Variants in ABCA1 observed in about 807,000 individuals in gnomAD.
ABCA1 encodes the protein phospholipid-transporting ATPase ABCA1.
Under a neutral mutation model 262.5 loss-of-function variants are expected in ABCA1, and 133 were observed. The ratio of observed to expected loss-of-function variants is 0.51; its 90% CI spans 0.44 to 0.59. The LOEUF (loss-of-function observed/expected upper bound fraction) is 0.59, where lower values mean the gene tolerates loss of function less well. Among genes scored for constraint, ABCA1 ranks in the 20% least tolerant of loss-of-function variants. The pLI is 0.00. For synonymous variants in ABCA1, 1,022 were observed against 1,043.5 expected (o/e 0.98, Z 0.40); for missense variants, 2,452 against 2,777.5 (o/e 0.88, Z 2.63).
chr9:104,815,555 T>C (rs1356375850), intron 25 of ABCA1, among the ~76,000 whole-genome samples: 3 of 152,280 alleles, frequency 2.0e-5, no homozygotes, highest in African/African-American at 7.2e-5. Flanking sequence ...TGAGTGTTCA[T>C]TTTTTCATCT....
chr9:104,867,743 A>ATAT (rs1275333279), intron 5 of ABCA1, among the ~76,000 whole-genome samples: 1 of 152,218 alleles, frequency 6.6e-6, no homozygotes, highest in African/African-American at 2.4e-5. Flanking sequence ...TCCACCAGTC[A>ATAT]CTGCAAGGAT....
intron 5 of ABCA1, among the ~76,000 whole-genome samples, chr9:104,875,656 A>T (rs76244174): frequency 0.063 from 9,367 of 147,642 alleles, 368 homozygotes; most frequent in African/African-American, 0.11. Context: ...GAGCTCCACA[A>T]CCTTAAAAAA....
intron 3 of ABCA1, among the ~76,000 whole-genome samples, chr9:104,887,669 GA>G (rs1347420398): frequency 1.4e-5 from 2 of 144,078 alleles, no homozygotes; most frequent in African/African-American, 5.1e-5. Context: ...TTCCAAAAGA[GA>G]AAACAGAATT....
intron 23 of ABCA1, 83 bp downstream of exon 23, chr9:104,818,580 G>T: frequency 7.6e-7 from 1 of 1,307,818 alleles, no homozygotes; most frequent in South Asian, 1.2e-5. Flanking sequence ...GGCAAAAGGG[G>T]TGGAGATGGA....
At chr9:104,900,263 G>T (rs1416414768) in intron 2 of ABCA1, among the ~76,000 whole-genome samples, 1 of 152,154 alleles carries the variant, frequency 6.6e-6, no homozygotes, top group Non-Finnish European at 1.5e-5. Flanking sequence ...GTGCAAGGGA[G>T]CCTCCTCAAG....
intron 32 of ABCA1, among the ~76,000 whole-genome samples, chr9:104,804,104 A>G (rs1435046484): frequency 6.6e-6 from 1 of 152,188 alleles, no homozygotes; most frequent in Non-Finnish European, 1.5e-5. Flanking sequence ...TGCTGAGCCA[A>G]GCATTCAACA....
At position 104,818,481 on chromosome 9, in the gene ABCA1, T is replaced by C. The variant is rs527333922; in HGVS notation, c.3462+182A>G. 5.9e-5 allele frequency among the ~76,000 whole-genome samples: 9 copies of C among 152,228 alleles called. No homozygotes were observed. In the East Asian group the frequency reaches 1.5e-3, roughly 26 times the overall value. On this transcript the variant is annotated intron_variant, in intron 23 of 49. Coordinates refer to ENST00000374736, the MANE Select transcript of ABCA1 (RefSeq NM_005502.4). ...ACGGGATTCAACAGAACTAGCACAA[T>C]GGGAGCAGAGGGCCCCTTAGCTTTC...
At chr9:104,894,239 T>C (rs1840011441) in intron 2 of ABCA1, among the ~76,000 whole-genome samples, 1 of 152,162 alleles carries the variant, frequency 6.6e-6, no homozygotes, top group Admixed American at 6.5e-5. Context: ...AATCAAGGCT[T>C]ATGTTCCTGG....
chr9:104,782,048 A>T lies in ABCA1; in HGVS notation c.*2267T>A, dbSNP rs1828576875. On this transcript the variant is annotated 3_prime_UTR_variant, in exon 50 of 50. Coordinates refer to ENST00000374736, the MANE Select transcript of ABCA1 (RefSeq NM_005502.4). ...TTCACAGTGCCTTTTGATTTTTTAA[A>T]ATATGGCCTTGAAATCAGAGGAACC... The T allele has an allele frequency of 6.6e-6, 1 of 152,132 alleles. No homozygotes were observed. Among genetic ancestry groups the T allele is most frequent in the Non-Finnish European group, 1.5e-5 (1 of 67,970 alleles). 9.4% of individuals were successfully genotyped at this position (152,132 alleles called of 1,614,324 possible).
Position 104,784,188 on chromosome 9 carries a change from T to C in ABCA1, c.*127A>G. On this transcript the variant is annotated 3_prime_UTR_variant, in exon 50 of 50. Coordinates refer to ENST00000374736, the MANE Select transcript of ABCA1 (RefSeq NM_005502.4). ...TTGAATTGCATTGCATTGAATAGTA[T>C]CAGTACAGTATCCAGTTTACTTCTT... 1 of 1,200,842 alleles carries C rather than the reference T, an allele frequency of 8.3e-7. No individual in the cohort carries two copies. Among genetic ancestry groups the C allele is most frequent in the Non-Finnish European group, 1.2e-6 (1 of 824,718 alleles). 74.4% of individuals were successfully genotyped at this position (1,200,842 alleles called of 1,614,324 possible).
chr9:104,901,428 T>C, intron 2 of ABCA1, among the ~76,000 whole-genome samples: 1 of 152,130 alleles, frequency 6.6e-6, no homozygotes, highest in South Asian at 2.1e-4. Context: ...GCCAACATGA[T>C]ATGATTCTTC....
At chr9:104,834,507 C>G (rs980030392) in intron 11 of ABCA1, among the ~76,000 whole-genome samples, 1 of 149,298 alleles carries the variant, frequency 6.7e-6, no homozygotes, top group African/African-American at 2.4e-5. Flanking sequence ...CAAACAAAAG[C>G]AGAGTGAAGA....
rs945665412 is a variant in ABCA1, at chr9:104,841,018, T to C, written c.814-499A>G. Among the ~76,000 whole-genome samples the C allele has an allele frequency of 5.3e-5, 8 of 152,190 alleles. No individual in the cohort carries two copies. The East Asian group carries it at 1.5e-3, about 29-fold the overall frequency. On this transcript the variant is annotated intron_variant, in intron 8 of 49. Coordinates refer to ENST00000374736, the MANE Select transcript of ABCA1 (RefSeq NM_005502.4). ...TCGATAACTGACTCATTTCTAAAAC[T>C]CCCCGAACTCTAGTGTAGAAATTGA...
chr9:104,915,749 T>C (rs909297347), intron 1 of ABCA1, among the ~76,000 whole-genome samples: 2 of 152,102 alleles, frequency 1.3e-5, no homozygotes, highest in African/African-American at 2.4e-5. Flanking sequence ...TGGGTTTCAT[T>C]TTTGGTAGCC....
At position 104,825,785 on chromosome 9, in the gene ABCA1, C is replaced by A. The variant is rs779578964; in HGVS notation, c.2440G>T (p.Val814Leu). ...VQWDNLFESP[V>L]EEDGFNLTTS... ...GTGAGATTGAAGCCATCTTCCTCCACAGGACTCTCAAACAGGTTGTCCCAC... is the reference window on the plus strand; with the variant it reads ...GTGAGATTGAAGCCATCTTCCTCCAAAGGACTCTCAAACAGGTTGTCCCAC... The change falls in exon 17 of 50, where the codon GTG becomes TTG. Residue 814 changes from valine (V) to leucine (L), a missense_variant. This residue lies in a region of ABCA1 where 1,032 missense variants were observed against 1,089.7 expected (regional missense o/e 0.95). Coordinates refer to ENST00000374736, the MANE Select transcript of ABCA1 (RefSeq NM_005502.4). The A allele has an allele frequency of 1.2e-6, 2 of 1,614,226 alleles. No homozygotes were observed. Among genetic ancestry groups the A allele is most frequent in the African/African-American group, 1.3e-5 (1 of 75,040 alleles).
intron 24 of ABCA1, among the ~76,000 whole-genome samples, chr9:104,816,805 T>C (rs942297037): frequency 6.6e-5 from 10 of 152,114 alleles, no homozygotes; most frequent in African/African-American, 2.2e-4. Context: ...TTTACCTAAA[T>C]AAAGGGTTAA....
chr9:104,861,749 A>T lies in ABCA1; in HGVS notation c.473T>A (p.Leu158Gln). The T allele has an allele frequency of 6.2e-7, 1 of 1,613,746 alleles. No individual in the cohort carries two copies. Among genetic ancestry groups the T allele is most frequent in the Non-Finnish European group, 8.5e-7 (1 of 1,179,730 alleles). Residue 158 changes from leucine (L) to glutamine (Q), a missense_variant, in exon 6 of 50, where the codon CTG becomes CAG. By Grantham distance (113) the Leu-to-Gln change is moderately radical. Transcript: ENST00000374736. ...CTTTGGGAGAGAGAGGTTGTGATAC[A>T]GGAACCCAGAGAAGGTTTCATTGTC... is the stretch of plus-strand genomic sequence containing the variant. Reference protein sequence around the residue: ...LVDNETFSGFLYHNLSLPKST... With the variant: ...LVDNETFSGFQYHNLSLPKST...
rs1281270114 is a variant in ABCA1, at chr9:104,792,839, T to C, written c.5704A>G (p.Ile1902Val). 1 of 1,614,066 alleles carries C rather than the reference T, an allele frequency of 6.2e-7. No individual in the cohort carries two copies. Among genetic ancestry groups the C allele is most frequent in the Non-Finnish European group, 8.5e-7 (1 of 1,180,022 alleles). Reference protein sequence around the residue: ...DEDVRRERQRILDGGGQNDIL... With the variant: ...DEDVRRERQRVLDGGGQNDIL... ...TCATTCTGGCCTCCACCATCAAGAA[T>C]TCTCTGTCTTTCCCGCCTCACATCT... Residue 1902 changes from isoleucine (I) to valine (V), a missense_variant, in exon 42 of 50, where the codon ATT becomes GTT. Physicochemically the swap from Ile to Val is conservative, Grantham distance 29. Transcript: ENST00000374736.
At chr9:104,893,739 C>T (rs553685605) in intron 2 of ABCA1, among the ~76,000 whole-genome samples, 9 of 152,184 alleles carry the variant, frequency 5.9e-5, no homozygotes, top group South Asian at 2.1e-4. Context: ...TAGTCAGTAG[C>T]GGGGTTGAGA....
Sources: allele counts gnomAD v4.1 joint callset (sites outside exome capture counted in the v4.1 genomes callset), GRCh38; gene constraint gnomAD v4.1.1; regional missense constraint gnomAD v4.1.1; transcripts MANE v1.5; gene names NCBI Gene and HGNC (gene_info 2026-07-23, HGNC 2026-07-21).